GRID2: variants seen among roughly 807,000 people sequenced by gnomAD.
GRID2 encodes glutamate ionotropic receptor delta type subunit 2.
Under a neutral mutation model 114.8 loss-of-function variants are expected in GRID2, and 33 were observed. That is an observed-to-expected ratio of 0.29 (90% CI 0.22 to 0.38). The LOEUF (loss-of-function observed/expected upper bound fraction) is 0.38. Among genes scored for constraint, GRID2 ranks in the 10% least tolerant of loss-of-function variants. The pLI, the probability that GRID2 is intolerant of heterozygous loss-of-function variation, is 1.00. For synonymous variants in GRID2, 505 were observed against 449.9 expected, an observed-to-expected ratio of 1.12 and a Z score of -1.55; for missense variants, 1,184 against 1,257.7, an observed-to-expected ratio of 0.94 and a Z score of 0.89.
intron 15 of GRID2, among the ~76,000 whole-genome samples, 197 bp downstream of exon 15, chr4:93,769,647 G>A (rs1422666618): frequency 6.6e-6 from 1 of 152,126 alleles, no homozygotes; most frequent in African/African-American, 2.4e-5. Context: ...CCAGATCAGT[G>A]AAGAGGAGAC....
intron 13 of GRID2, among the ~76,000 whole-genome samples, chr4:93,549,214 G>C (rs1358168439): frequency 6.6e-6 from 1 of 151,938 alleles, no homozygotes; most frequent in Non-Finnish European, 1.5e-5. Flanking sequence ...ATTTTTATCA[G>C]GAAAAATGAA....
intron 2 of GRID2, among the ~76,000 whole-genome samples, chr4:93,083,830 G>A (rs1560861053): frequency 6.6e-6 from 1 of 151,732 alleles, no homozygotes; most frequent in Admixed American, 6.6e-5. Context: ...GTATTGGTTG[G>A]CTTAGCATTA....
intron 1 of GRID2, among the ~76,000 whole-genome samples, chr4:92,318,271 G>A (rs927332669): frequency 2.1e-5 from 3 of 145,464 alleles, no homozygotes; most frequent in Non-Finnish European, 4.5e-5. Flanking sequence ...TGTTTCACAA[G>A]TGTTGGATAT....
intron 2 of GRID2, among the ~76,000 whole-genome samples, chr4:92,809,053 A>T (rs1740547846): frequency 6.6e-6 from 1 of 151,946 alleles, no homozygotes; most frequent in African/African-American, 2.4e-5. Flanking sequence ...TAGGTCCATG[A>T]TTTGAGCAAG....
intron 3 of GRID2, among the ~76,000 whole-genome samples, chr4:93,109,949 C>T (rs893097500): frequency 4.0e-5 from 6 of 151,872 alleles, no homozygotes; most frequent in South Asian, 2.1e-4. Context: ...TTAAGTGTGA[C>T]GTGGACACTG....
chr4:92,601,691 A>G (rs1238617582), intron 2 of GRID2, among the ~76,000 whole-genome samples: 2 of 152,078 alleles, frequency 1.3e-5, no homozygotes. Context: ...TCAGAGAGGA[A>G]CTGGAGGGAG....
intron 4 of GRID2, among the ~76,000 whole-genome samples, chr4:93,155,989 C>A (rs1219259403): frequency 2.0e-5 from 3 of 150,900 alleles, no homozygotes; most frequent in African/African-American, 7.3e-5. Flanking sequence ...ATTCCTAACA[C>A]GAAGAAACGA....
At chr4:93,538,405 A>G (rs909435792) in intron 13 of GRID2, among the ~76,000 whole-genome samples, 20 of 151,766 alleles carry the variant, frequency 1.3e-4, no homozygotes, top group African/African-American at 4.8e-4. Flanking sequence ...ATTATTGAAT[A>G]AAAAAAGTGG....
chr4:92,837,710 G>A (rs1385018125), intron 2 of GRID2, among the ~76,000 whole-genome samples: 1 of 152,008 alleles, frequency 6.6e-6, no homozygotes, highest in Non-Finnish European at 1.5e-5. Context: ...CTATTATACT[G>A]TACCTTTCCA....
chr4:93,279,904 G>T (rs1302124767), intron 8 of GRID2, among the ~76,000 whole-genome samples: 1 of 151,938 alleles, frequency 6.6e-6, no homozygotes, highest in Non-Finnish European at 1.5e-5. Context: ...ATTTTGAAGG[G>T]CATTGTATGC....
At chr4:93,270,537 C>T (rs1307712044) in intron 8 of GRID2, among the ~76,000 whole-genome samples, 3 of 152,134 alleles carry the variant, frequency 2.0e-5, no homozygotes, top group East Asian at 3.8e-4. Flanking sequence ...TCATCCTATC[C>T]TACCAAGGAG....
intron 1 of GRID2, among the ~76,000 whole-genome samples, chr4:92,440,773 G>A (rs1733010703): frequency 6.6e-6 from 1 of 152,044 alleles, no homozygotes; most frequent in Non-Finnish European, 1.5e-5. Context: ...TTGGGGAAAT[G>A]GGGTGAATGT....
At chr4:92,950,055 A>G (rs548857548) in intron 2 of GRID2, among the ~76,000 whole-genome samples, 4 of 152,204 alleles carry the variant, frequency 2.6e-5, no homozygotes, top group Non-Finnish European at 5.9e-5. Flanking sequence ...AGATGAGTCA[A>G]TAAAGATGTA....
chr4:93,612,502 G>A (rs1289557786), intron 13 of GRID2, among the ~76,000 whole-genome samples: 2 of 119,242 alleles, frequency 1.7e-5, no homozygotes, highest in Non-Finnish European at 3.6e-5. Flanking sequence ...TTTAGGGCAG[G>A]CCTGGTGGTG....
intron 5 of GRID2, among the ~76,000 whole-genome samples, chr4:93,208,938 T>G (rs1271430609): frequency 6.6e-6 from 1 of 151,990 alleles, no homozygotes; most frequent in Non-Finnish European, 1.5e-5. Flanking sequence ...TTAATAAACC[T>G]TCAAATTAAA....
chr4:92,537,801 GT>G, intron 1 of GRID2, among the ~76,000 whole-genome samples: 1 of 149,360 alleles, frequency 6.7e-6, no homozygotes, highest in African/African-American at 2.5e-5. Context: ...GTGTGTGTGT[GT>G]GTGTGTGTGT....
intron 2 of GRID2, among the ~76,000 whole-genome samples, chr4:92,658,708 T>A (rs1406088424): frequency 1.3e-5 from 2 of 151,250 alleles, no homozygotes; most frequent in African/African-American, 4.8e-5. Flanking sequence ...GCAAAAAGAA[T>A]GCTTACTCAT....
intron 2 of GRID2, among the ~76,000 whole-genome samples, chr4:92,905,345 A>C (rs191597998): frequency 6.5e-4 from 99 of 152,196 alleles, no homozygotes; most frequent in Admixed American, 1.9e-3. Context: ...TGTGGCTCTA[A>C]AAAAATCAAC....
chr4:92,702,738 C>G (rs1197651424), intron 2 of GRID2: 1 of 151,622 alleles, frequency 6.6e-6, no homozygotes, highest in Non-Finnish European at 1.5e-5. Context: ...TCACAGTATA[C>G]TGTGAATTTA....
Sources: gnomAD v4.1 joint callset for allele counts (sites outside exome capture counted in the v4.1 genomes callset) on GRCh38, gnomAD v4.1.1 for gene constraint, MANE v1.5 for transcripts, NCBI Gene and HGNC (gene_info 2026-07-23, HGNC 2026-07-21) for gene names.